LONP1: variants seen among roughly 807,000 people sequenced by gnomAD.
LONP1 encodes the protein lon protease homolog, mitochondrial.
Under a neutral mutation model 98.5 loss-of-function variants are expected in LONP1, and 31 were observed. That is an observed-to-expected ratio of 0.31 (90% CI 0.24 to 0.42). The LOEUF is 0.42. Ranked by LOEUF, LONP1 falls within the 20% of genes least tolerant of loss-of-function variation. The probability of loss-of-function intolerance (pLI) is 1.00; values close to 1 mark genes in which losing one functional copy is unlikely to be tolerated. For missense variants in LONP1, 1,336 were observed against 1,350.6 expected, an observed-to-expected ratio of 0.99 and a Z score of 0.17; for synonymous variants, 781 against 594.7, an observed-to-expected ratio of 1.31 and a Z score of -4.56.
intron 8 of LONP1, among the ~76,000 whole-genome samples, chr19:5,704,406 C>G (rs115284878): frequency 3.3e-5 from 5 of 152,152 alleles, no homozygotes; most frequent in Non-Finnish European, 7.4e-5. Context: ...AGCCTTCGCG[C>G]GCAACCAGTG....
chr19:5,717,301 AAAG>A (rs2055339213), intron 1 of LONP1: 1 of 152,166 alleles, frequency 6.6e-6, no homozygotes, highest in East Asian at 1.9e-4. Flanking sequence ...ATTGGGTCCC[AAAG>A]AAGTTGCCTC....
At chr19:5,703,995 G>C (rs1568320448) in intron 8 of LONP1, among the ~76,000 whole-genome samples, 1 of 152,338 alleles carries the variant, frequency 6.6e-6, no homozygotes, top group East Asian at 1.9e-4. Context: ...TCCCCCCACA[G>C]GAGGCGGCGG....
intron 1 of LONP1, among the ~76,000 whole-genome samples, chr19:5,714,496 G>C (rs1278630345): frequency 6.6e-6 from 1 of 151,778 alleles, no homozygotes; most frequent in African/African-American, 2.4e-5. Flanking sequence ...GTAGAGATGG[G>C]GTTTCACCAT....
chr19:5,711,582 CAG>C (rs1338831657), intron 4 of LONP1, among the ~76,000 whole-genome samples, 187 bp downstream of exon 4: 1 of 152,208 alleles, frequency 6.6e-6, no homozygotes, highest in Non-Finnish European at 1.5e-5. Context: ...TCTCCCATCC[CAG>C]AGTCTTCCGA....
intron 17 of LONP1, 92 bp downstream of exon 17, chr19:5,693,206 G>A (rs78219447): frequency 6.8e-6 from 10 of 1,467,522 alleles, no homozygotes; most frequent in Admixed American, 6.0e-5. Context: ...CCCTCTCCTT[G>A]GCCCAGGCAG....
rs149090887 is a variant in LONP1 at position 5,711,961 on chromosome 19, G to A, written c.680C>T (p.Pro227Leu). The change falls in exon 4 of 18, where the codon CCG becomes CTG. Residue 227 changes from proline to leucine, a missense_variant. Physicochemically the swap from Pro to Leu is moderately conservative, Grantham distance 98. Coordinates refer to ENST00000360614, the MANE Select transcript of LONP1 (RefSeq NM_004793.4). ...SRQLEVEPEE[P>L]EAENKHKPRR... ...GGGCTTGTGCTTGTTCTCCGCCTCC[G>A]GCTCCTCGGGCTCCACCTCCAGCTG... 48 of 1,613,080 alleles carry A rather than the reference G, an allele frequency of 3.0e-5. No homozygotes were observed. Among genetic ancestry groups the A allele is most frequent in the Admixed American group, 2.0e-4 (12 of 59,984 alleles).
chr19:5,696,463 C>T (rs957756948), intron 11 of LONP1, 92 bp from the exon 12 acceptor site: 72 of 1,509,550 alleles, frequency 4.8e-5, no homozygotes, highest in East Asian at 6.8e-5. Flanking sequence ...GGGGAGACCC[C>T]GAGTGAGAGC....
chr19:5,720,238 A>G (rs1223755506), upstream of LONP1: 2 of 1,366,064 alleles, frequency 1.5e-6, no homozygotes, highest in Admixed American at 7.1e-5. Context: ...GCGTGGCTCG[A>G]AACAGCCGCT....
At chr19:5,717,920 G>A (rs2055347971) in intron 1 of LONP1, among the ~76,000 whole-genome samples, 1 of 149,060 alleles carries the variant, frequency 6.7e-6, no homozygotes, top group Non-Finnish European at 1.5e-5. Flanking sequence ...TAGAGACAGG[G>A]TCTATGTTGA....
At chr19:5,695,888 G>A (rs2054917221) in intron 13 of LONP1, among the ~76,000 whole-genome samples, 166 bp downstream of exon 13, 2 of 152,160 alleles carry the variant, frequency 1.3e-5, no homozygotes, top group South Asian at 4.1e-4. Flanking sequence ...ACCTGCAGCT[G>A]CTCGCAAGCG....
chr19:5,693,236 G>T, intron 17 of LONP1, 62 bp downstream of exon 17: 1 of 1,548,500 alleles, frequency 6.5e-7, no homozygotes, highest in Non-Finnish European at 8.8e-7. Context: ...GGCGGGGACT[G>T]GGCCTGTCCC....
intron 8 of LONP1, 61 bp downstream of exon 8, chr19:5,705,711 C>G: frequency 6.5e-7 from 1 of 1,530,792 alleles, no homozygotes; most frequent in Admixed American, 1.7e-5. Flanking sequence ...CCTGGCCTGC[C>G]TAAGATGGGG....
Position 5,691,931 on chromosome 19 carries a change from G to T in LONP1, c.*101C>A. ...TCTGGGTCACTGGACCGAGCTGCTC[G>T]CTCGGTGGCTCCACTGCCAGGTCCG... On this transcript the variant is annotated 3_prime_UTR_variant, in exon 18 of 18. Transcript: ENST00000360614. 1 of 1,374,028 alleles carries T rather than the reference G, an allele frequency of 7.3e-7. No individual in the cohort carries two copies. Among genetic ancestry groups the T allele is most frequent in the Non-Finnish European group, 9.9e-7 (1 of 1,012,498 alleles). 85.1% of individuals were successfully genotyped at this position (1,374,028 alleles called of 1,614,324 possible).
intron 13 of LONP1, among the ~76,000 whole-genome samples, chr19:5,695,786 C>G (rs2054914876): frequency 6.6e-6 from 1 of 152,248 alleles, no homozygotes; most frequent in Non-Finnish European, 1.5e-5. Context: ...ATGGGGCAGC[C>G]TGGAGGCCCC....
At chr19:5,710,824 G>A (rs999510325) in intron 4 of LONP1, among the ~76,000 whole-genome samples, 1 of 152,110 alleles carries the variant, frequency 6.6e-6, no homozygotes, top group Non-Finnish European at 1.5e-5. Flanking sequence ...TCAGGAGTTT[G>A]AGACTAGCCC....
At chr19:5,707,626 G>A (rs1027190716) in intron 6 of LONP1, 71 bp downstream of exon 6, 23 of 1,546,030 alleles carry the variant, frequency 1.5e-5, no homozygotes, top group Admixed American at 3.6e-5. Flanking sequence ...GGGGCAGCCG[G>A]GCGTGGGCGG....
chr19:5,705,457 CAAAAAAAAAAAA>C (rs552452093), intron 8 of LONP1, among the ~76,000 whole-genome samples: 1 of 106,024 alleles, frequency 9.4e-6, no homozygotes. Context: ...GACTCCATTT[CAAAAAAAAAAAA>C]AAAAAAAAGC....
At chr19:5,715,838 G>C (rs2055309872) in intron 1 of LONP1, among the ~76,000 whole-genome samples, 1 of 151,702 alleles carries the variant, frequency 6.6e-6, no homozygotes, top group Non-Finnish European at 1.5e-5. Flanking sequence ...TGTATTATTA[G>C]TAGAGACGGA....
rs752645915 is a variant in LONP1 at position 5,712,010 on chromosome 19, G to A, written c.639-8C>T. The A allele has an allele frequency of 7.5e-6, 12 of 1,607,814 alleles. No individual in the cohort carries two copies. Among genetic ancestry groups the A allele is most frequent in the South Asian group, 2.2e-5 (2 of 90,836 alleles). The stretch of plus-strand genomic sequence containing the variant: ...TGTCTGCTGATATGGACTCTGACAC[G>A]GGAGCAAGGCAGGTGTGAATCAGCC... On this transcript the variant is annotated splice_region_variant and splice_polypyrimidine_tract_variant and intron_variant, in intron 3 of 17. Transcript: ENST00000360614.
Sources: gnomAD v4.1 joint callset for allele counts (sites outside exome capture counted in the v4.1 genomes callset) on GRCh38, gnomAD v4.1.1 for gene constraint, MANE v1.5 for transcripts, NCBI Gene and HGNC (gene_info 2026-07-23, HGNC 2026-07-21) for gene names.